ENOX1: variants seen among roughly 807,000 people sequenced by gnomAD.
ENOX1 encodes the protein candidate growth-related and time keeping constitutive hydroquinone (NADH) oxidase.
Under a neutral mutation model 82.5 loss-of-function variants are expected in ENOX1, and 42 were observed. That is an observed-to-expected ratio of 0.51 (90% confidence interval 0.40 to 0.66). The LOEUF is 0.66. Among genes scored for constraint, ENOX1 ranks in the 30% least tolerant of loss-of-function variants. The pLI is 0.00. For missense variants in ENOX1, 608 were observed against 811.6 expected (o/e 0.75, Z 3.05); for synonymous variants, 271 against 282.2 (o/e 0.96, Z 0.40).
chr13:43,426,022 T>C (rs2055278718), intron 3 of ENOX1, among the ~76,000 whole-genome samples: 1 of 152,236 alleles, frequency 6.6e-6, no homozygotes, highest in Admixed American at 6.5e-5. Flanking sequence ...TTGTTATGTT[T>C]GATCTGATAT....
intron 1 of ENOX1, among the ~76,000 whole-genome samples, chr13:43,739,254 TGATA>T (rs1191913396): frequency 3.3e-5 from 5 of 152,266 alleles, no homozygotes; most frequent in Middle Eastern, 3.4e-3. Context: ...TATCAATTAA[TGATA>T]AATATATTGG....
Position 43,296,436 on chromosome 13 carries a change from G to C in ENOX1, c.1446+1910C>G, listed in dbSNP as rs888771748. Reference sequence around the variant, plus strand: ...GCCAACCTCCAGAATCTGGGAGAGAGGCAGGAGTCAGACTCTTCCTTACAG... The same window carrying C: ...GCCAACCTCCAGAATCTGGGAGAGACGCAGGAGTCAGACTCTTCCTTACAG... On this transcript the variant is annotated intron_variant, in intron 12 of 16. Transcript: ENST00000690772. Among the ~76,000 whole-genome samples, 6 of 152,184 alleles carry C rather than the reference G, an allele frequency of 3.9e-5. No individual in the cohort carries two copies. The South Asian group carries it at 6.2e-4, about 16-fold the overall frequency.
rs957057751 is a variant in ENOX1 at position 43,291,784 on chromosome 13, T to C, written c.1446+6562A>G. On this transcript the variant is annotated intron_variant, in intron 12 of 16. Transcript: ENST00000690772. ...GTTTGTATTTTCTTCCTCCAGAGAC[T>C]CAATTAAAATATCTGTCAATGAATA... is the stretch of plus-strand genomic sequence containing the variant. Among the ~76,000 whole-genome samples the C allele has an allele frequency of 5.9e-5, 9 of 152,252 alleles. 1 individual carries two copies. In the Middle Eastern group the frequency reaches 0.01, roughly 173 times the overall value.
At chr13:43,346,808 T>C (rs1020757475) in intron 8 of ENOX1, among the ~76,000 whole-genome samples, 1 of 152,070 alleles carries the variant, frequency 6.6e-6, no homozygotes. Flanking sequence ...TTCCCACCAA[T>C]ATATGTTAGG....
chr13:43,619,971 T>C (rs901780767), intron 2 of ENOX1, among the ~76,000 whole-genome samples: 1 of 152,166 alleles, frequency 6.6e-6, no homozygotes, highest in African/African-American at 2.4e-5. Context: ...CTCTTCCTGA[T>C]TTAAGCTAGG....
At chr13:43,310,018 A>G (rs971230958) in intron 11 of ENOX1, among the ~76,000 whole-genome samples, 1 of 152,028 alleles carries the variant, frequency 6.6e-6, no homozygotes, top group Non-Finnish European at 1.5e-5. Context: ...CCTGGCTAAT[A>G]CAGTGAGACC....
chr13:43,576,861 G>A (rs2080449696), intron 2 of ENOX1, among the ~76,000 whole-genome samples: 1 of 152,198 alleles, frequency 6.6e-6, no homozygotes, highest in Admixed American at 6.5e-5. Context: ...TCCATGTTCT[G>A]CACCCAGCAT....
intron 1 of ENOX1, among the ~76,000 whole-genome samples, chr13:43,728,990 T>C (rs2089163624): frequency 6.6e-6 from 1 of 152,242 alleles, no homozygotes. Context: ...TTCTGATGTG[T>C]TCTTTCTCAG....
intron 16 of ENOX1, among the ~76,000 whole-genome samples, chr13:43,222,238 C>G (rs1247817254): frequency 6.6e-6 from 1 of 152,134 alleles, no homozygotes. Context: ...TCCTCAGAGA[C>G]TGGTAAGGGA....
At chr13:43,316,901 A>G (rs1452821191) in intron 11 of ENOX1, among the ~76,000 whole-genome samples, 1 of 152,200 alleles carries the variant, frequency 6.6e-6, no homozygotes, top group Admixed American at 6.5e-5. Flanking sequence ...TCTTTAAGCC[A>G]CATTAGTTCT....
At chr13:43,755,880 A>G (rs1950616429) in intron 1 of ENOX1, among the ~76,000 whole-genome samples, 1 of 152,224 alleles carries the variant, frequency 6.6e-6, no homozygotes, top group African/African-American at 2.4e-5. Flanking sequence ...ATGATGTGAG[A>G]CCTGAACTAT....
chr13:43,454,973 GCTT>G (rs2057158272), intron 3 of ENOX1, among the ~76,000 whole-genome samples: 1 of 151,692 alleles, frequency 6.6e-6, no homozygotes. Context: ...TTGTCCTGGG[GCTT>G]CTTTTTAACA....
At chr13:43,533,509 A>G (rs1000548913) in intron 2 of ENOX1, among the ~76,000 whole-genome samples, 5 of 152,112 alleles carry the variant, frequency 3.3e-5, no homozygotes, top group African/African-American at 9.7e-5. Context: ...TTGTCACCCA[A>G]CTACCTTCCT....
chr13:43,611,900 C>T lies in ENOX1; in HGVS notation c.-219+55579G>A, dbSNP rs78928712. Among the ~76,000 whole-genome samples the T allele has an allele frequency of 8.7e-3, 1,328 of 152,280 alleles. 24 individuals are homozygous for T. Among genetic ancestry groups the T allele is most frequent in the East Asian group, 0.085 (440 of 5,180 alleles). Reference sequence around the variant, plus strand: ...GCTTTCTAGCCTGCTAATGCACTGGCCTTATGAACACAGATTCCCTAAATG... The same window carrying T: ...GCTTTCTAGCCTGCTAATGCACTGGTCTTATGAACACAGATTCCCTAAATG... On this transcript the variant is annotated intron_variant, in intron 2 of 16. Coordinates refer to ENST00000690772, the MANE Select transcript of ENOX1 (RefSeq NM_001347969.2).
intron 11 of ENOX1, among the ~76,000 whole-genome samples, chr13:43,319,842 A>C (rs2047708500): frequency 6.6e-6 from 1 of 152,244 alleles, no homozygotes; most frequent in African/African-American, 2.4e-5. Flanking sequence ...TTTCACTTCC[A>C]TTACAGCACT....
chr13:43,287,056 A>C (rs1200051746), intron 12 of ENOX1, among the ~76,000 whole-genome samples: 1 of 152,198 alleles, frequency 6.6e-6, no homozygotes, highest in African/African-American at 2.4e-5. Flanking sequence ...CCTAGGCTGC[A>C]GTTCTGACTC....
intron 3 of ENOX1, among the ~76,000 whole-genome samples, chr13:43,478,079 T>TCATTTTTTAAA (rs2058364313): frequency 7.2e-6 from 1 of 139,592 alleles, no homozygotes; most frequent in African/African-American, 2.6e-5. Flanking sequence ...TTTTTTTTTT[T>TCATTTTTTAAA]TCATTTTTTA....
chr13:43,260,461 CAGG>C (rs2043993126), intron 14 of ENOX1, among the ~76,000 whole-genome samples: 1 of 152,142 alleles, frequency 6.6e-6, no homozygotes, highest in African/African-American at 2.4e-5. Context: ...GAAACAAGGA[CAGG>C]AGGAGAGAAA....
intron 8 of ENOX1, among the ~76,000 whole-genome samples, chr13:43,347,358 A>C (rs1195096058): frequency 2.0e-5 from 3 of 152,224 alleles, no homozygotes; most frequent in African/African-American, 7.2e-5. Context: ...ATTAGCCTAA[A>C]AGAGGAATAT....
Sources: gnomAD v4.1 joint callset for allele counts (sites outside exome capture counted in the v4.1 genomes callset) on GRCh38, gnomAD v4.1.1 for gene constraint, MANE v1.5 for transcripts, NCBI Gene and HGNC (gene_info 2026-07-23, HGNC 2026-07-21) for gene names.